The following SLC44A5 variants were observed in gnomAD, a reference collection of about 807,000 sequenced individuals.
The protein encoded by SLC44A5 is solute carrier family 44 member 5, also known as choline transporter-like protein 5.
In SLC44A5, 57 loss-of-function variants were observed where a neutral mutation model predicts 101.8. That is an observed-to-expected ratio of 0.56 (90% CI 0.45 to 0.70). The LOEUF (loss-of-function observed/expected upper bound fraction) is 0.70, where lower values mean the gene tolerates loss of function less well. SLC44A5 is among the 30% of genes least tolerant of loss of function. SLC44A5 has a pLI of 0.00. For missense variants in SLC44A5, 737 were observed against 853.1 expected (o/e 0.86, Z 1.70); for synonymous variants, 281 against 290.9 (o/e 0.97, Z 0.35).
At chr1:75,697,857 G>A in the SLC44A5 span, among the ~76,000 whole-genome samples, 36 of 152,348 alleles carry the variant, frequency 2.4e-4, no homozygotes, top group African/African-American at 8.2e-4. Context: ...AAGGGGTCAC[G>A]GAGTTCCCTT....
the SLC44A5 span, among the ~76,000 whole-genome samples, chr1:75,700,581 A>G: frequency 0.019 from 2,885 of 152,322 alleles, 94 homozygotes; most frequent in African/African-American, 0.066. Flanking sequence ...ACACTCTAAC[A>G]TCACAATTAA....
intron 14 of SLC44A5, among the ~76,000 whole-genome samples, chr1:75,221,140 G>A (rs1270007241): frequency 1.3e-5 from 2 of 152,182 alleles, no homozygotes; most frequent in Non-Finnish European, 2.9e-5. Flanking sequence ...AGGAGAGAGA[G>A]TTTAACTAAC....
chr1:75,277,358 G>A (rs532379546), intron 5 of SLC44A5, among the ~76,000 whole-genome samples: 1 of 152,110 alleles, frequency 6.6e-6, no homozygotes. Context: ...CTAAAAGGTA[G>A]GTATTACTTT....
the SLC44A5 span, among the ~76,000 whole-genome samples, chr1:75,689,740 C>T: frequency 6.6e-6 from 1 of 152,238 alleles, no homozygotes; most frequent in East Asian, 1.9e-4. Context: ...CTCAAACCAT[C>T]TGAGACTCTG....
intron 2 of SLC44A5, among the ~76,000 whole-genome samples, chr1:75,537,627 C>T (rs1671128358): frequency 1.3e-5 from 2 of 152,292 alleles, no homozygotes; most frequent in South Asian, 2.1e-4. Context: ...GAACTGTGTC[C>T]ACTAGTTATC....
At chr1:75,657,450 G>A in the SLC44A5 span, among the ~76,000 whole-genome samples, 8 of 151,672 alleles carry the variant, frequency 5.3e-5, no homozygotes, top group Admixed American at 1.3e-4. Flanking sequence ...TAGGTAGGCT[G>A]AGGTGGGAGA....
At chr1:75,477,510 T>A (rs1165393543) in intron 2 of SLC44A5, among the ~76,000 whole-genome samples, 1 of 151,940 alleles carries the variant, frequency 6.6e-6, no homozygotes, top group Non-Finnish European at 1.5e-5. Flanking sequence ...TTGAAAAAAA[T>A]TTAGATGAAT....
At chr1:75,215,570 A>G (rs1241900960) in intron 19 of SLC44A5, among the ~76,000 whole-genome samples, 184 bp downstream of exon 19, 1 of 152,140 alleles carries the variant, frequency 6.6e-6, no homozygotes, top group Non-Finnish European at 1.5e-5. Flanking sequence ...AATAAAGTAT[A>G]GTTCAGATAC....
At chr1:75,482,579 C>T (rs1667934813) in intron 2 of SLC44A5, among the ~76,000 whole-genome samples, 1 of 152,072 alleles carries the variant, frequency 6.6e-6, no homozygotes, top group African/African-American at 2.4e-5. Context: ...GTTTCCTTGT[C>T]TGAAAAATAG....
In SLC44A5 at chr1:75,411,281, T is replaced by C. The variant is rs146690057; in HGVS notation, c.14-14660A>G. The stretch of plus-strand genomic sequence containing the variant: ...TCAAGTCCAATGAGGCAGGAAAAGC[T>C]AAATATGCCCCATGAAGTAGGCTAT... On this transcript the variant is annotated intron_variant, in intron 2 of 23. Transcript: ENST00000370859. Among the ~76,000 whole-genome samples, 237 of 152,210 alleles carry C rather than the reference T, an allele frequency of 1.6e-3. 1 individual carries two copies. Among genetic ancestry groups the C allele is most frequent in the African/African-American group, 5.3e-3 (219 of 41,546 alleles).
intron 12 of SLC44A5, among the ~76,000 whole-genome samples, chr1:75,231,622 C>T (rs1167997764): frequency 6.6e-6 from 1 of 152,048 alleles, no homozygotes; most frequent in Non-Finnish European, 1.5e-5. Flanking sequence ...ATTTATTGAA[C>T]ATTTACTATA....
chr1:75,338,853 T>A (rs1246872886), intron 4 of SLC44A5, among the ~76,000 whole-genome samples: 1 of 152,304 alleles, frequency 6.6e-6, no homozygotes, highest in East Asian at 1.9e-4. Context: ...CGGTTCATTA[T>A]GACATACAAC....
chr1:75,370,467 T>C (rs912671244), intron 3 of SLC44A5, among the ~76,000 whole-genome samples: 1 of 152,180 alleles, frequency 6.6e-6, no homozygotes, highest in Non-Finnish European at 1.5e-5. Flanking sequence ...CCCAGTAGTG[T>C]GTGTATACAA....
intron 11 of SLC44A5, among the ~76,000 whole-genome samples, chr1:75,234,869 T>A (rs558103160): frequency 2.0e-5 from 3 of 152,190 alleles, no homozygotes; most frequent in African/African-American, 4.8e-5. Flanking sequence ...TAAGGTCACA[T>A]TGGAGTCTTC....
At chr1:75,235,068 T>C (rs1280893480) in intron 11 of SLC44A5, among the ~76,000 whole-genome samples, 1 of 152,042 alleles carries the variant, frequency 6.6e-6, no homozygotes, top group Non-Finnish European at 1.5e-5. Context: ...TTACTGTCAC[T>C]GGATAGATGA....
the SLC44A5 span, among the ~76,000 whole-genome samples, chr1:75,619,083 G>GT: frequency 4.2e-4 from 36 of 85,110 alleles, 1 homozygote; most frequent in Admixed American, 2.9e-3. Flanking sequence ...AAAAAAAGGG[G>GT]GGGGGGAAGG....
chr1:75,216,036 T>G lies in SLC44A5; in HGVS notation c.1625-179A>C, dbSNP rs192726388. Among the ~76,000 whole-genome samples, 1,104 of 152,166 alleles carry G rather than the reference T, an allele frequency of 7.3e-3. 12 individuals are homozygous for G. Among genetic ancestry groups the G allele is most frequent in the Non-Finnish European group, 0.012 (784 of 67,926 alleles). ...TGTACAGTTCAGTGGCACTGAGTAA[T>G]TTATAATGTTGTACAACCATCACTG... On this transcript the variant is annotated intron_variant, in intron 18 of 23. Coordinates refer to ENST00000370859, the MANE Select transcript of SLC44A5 (RefSeq NM_001130058.2).
chr1:75,706,413 TTTCTC>T, the SLC44A5 span, among the ~76,000 whole-genome samples: 1 of 152,154 alleles, frequency 6.6e-6, no homozygotes, highest in African/African-American at 2.4e-5. Flanking sequence ...TAAAAATTAT[TTTCTC>T]TATTTACTCT....
chr1:75,575,440 T>C (rs1488076881), intron 1 of SLC44A5, among the ~76,000 whole-genome samples: 2 of 152,206 alleles, frequency 1.3e-5, no homozygotes, highest in African/African-American at 4.8e-5. Context: ...TTGTATTGAT[T>C]TGGTGAATGT....
Sources: allele counts gnomAD v4.1 joint callset (sites outside exome capture counted in the v4.1 genomes callset), GRCh38; gene constraint gnomAD v4.1.1; transcripts MANE v1.5; gene names NCBI Gene and HGNC (gene_info 2026-07-23, HGNC 2026-07-21).